The following PLK3 variants were observed in gnomAD, a reference collection of about 807,000 sequenced individuals.
PLK3 encodes the protein polo like kinase 3, also known as serine/threonine-protein kinase PLK3.
A neutral mutation model predicts 71.6 loss-of-function variants in PLK3; 41 were observed. The ratio of observed to expected loss-of-function variants is 0.57; its 90% CI spans 0.45 to 0.74. The LOEUF is 0.74. Ranked by LOEUF, PLK3 falls within the 30% of genes least tolerant of loss-of-function variation. The pLI is 0.00. For missense variants in PLK3, 791 were observed against 875.6 expected (o/e 0.90, Z 1.22); for synonymous variants, 366 against 355.4 (o/e 1.03, Z -0.33).
rs748181667 is a variant in PLK3, at chr1:44,801,144, A to T, written c.427A>T (p.Ser143Cys). Reference sequence around the variant, plus strand: ...CATCTACATTTTCTTGGAGCTCTGCAGCCGAAAGGTGAAAGATGGTGATTC... The same window carrying T: ...CATCTACATTTTCTTGGAGCTCTGCTGCCGAAAGGTGAAAGATGGTGATTC... ...DNIYIFLELCSRKSLAHIWKA... is the reference protein window; with the variant it reads ...DNIYIFLELCCRKSLAHIWKA... The change falls in exon 3 of 15, where the codon AGC (serine) becomes TGC (cysteine). Residue 143 changes from serine to cysteine, a missense_variant. Coordinates refer to ENST00000372201, the MANE Select transcript of PLK3 (RefSeq NM_004073.4). 2 of 1,604,510 alleles carry T rather than the reference A, an allele frequency of 1.2e-6. No individual in the cohort carries two copies. The highest frequency in any genetic ancestry group is 4.5e-5 in the East Asian group (2 of 44,742).
chr1:44,801,979 G>C (rs1260836560), intron 5 of PLK3, 47 bp downstream of exon 5: 2 of 1,369,086 alleles, frequency 1.5e-6, no homozygotes, highest in Non-Finnish European at 2.1e-6. Flanking sequence ...GATGACATGC[G>C]TGATAGACAG....
Position 44,804,363 on chromosome 1 carries a change from C to T in PLK3, c.1367C>T (p.Ala456Val), listed in dbSNP as rs1193539141. The change falls in exon 12 of 15, where the codon GCC becomes GTC. Residue 456 changes from alanine to valine, a missense_variant. Coordinates refer to ENST00000372201, the MANE Select transcript of PLK3 (RefSeq NM_004073.4). ...PPAEQNPAPL[A>V]QPEPLVWVSK... is the part of the protein sequence containing the mutation. Reference sequence around the variant, plus strand: ...GCGGAACAGAACCCGGCCCCCCTGGCCCAGCCAGAGCCTCTGGTGTGGGTC... The same window carrying T: ...GCGGAACAGAACCCGGCCCCCCTGGTCCAGCCAGAGCCTCTGGTGTGGGTC... The T allele has an allele frequency of 6.2e-7, 1 of 1,614,162 alleles. No homozygotes were observed. The highest frequency in any genetic ancestry group is 8.5e-7 in the Non-Finnish European group (1 of 1,179,998).
Position 44,804,780 on chromosome 1 carries a change from G to GT in PLK3, c.1635+2dup. 6.2e-7 allele frequency: 1 copy of GT among 1,613,864 alleles called. No individual in the cohort carries two copies. Among genetic ancestry groups the GT allele is most frequent in the Non-Finnish European group, 8.5e-7 (1 of 1,179,836 alleles). Reference sequence around the variant, plus strand: ...CTACATGGAGCAGCACCTCATGAAGGTGTGAGGGCTGGGGCTGTGGTACAT... The same window carrying GT: ...CTACATGGAGCAGCACCTCATGAAGGTTGTGAGGGCTGGGGCTGTGGTACAT... On this transcript the variant is annotated splice_donor_variant, in intron 13 of 14. Transcript: ENST00000372201. LOFTEE classifies it high-confidence loss of function.
rs749214417 is a variant in PLK3 at position 44,801,150 on chromosome 1, A to G, written c.433A>G (p.Lys145Glu). Residue 145 changes from lysine to glutamate, a missense_variant and splice_region_variant, in exon 3 of 15, where the codon AAG (lysine) becomes GAG (glutamate). Transcript: ENST00000372201. Reference sequence around the variant, plus strand: ...CATTTTCTTGGAGCTCTGCAGCCGAAAGGTGAAAGATGGTGATTCCCGCAG... The same window carrying G: ...CATTTTCTTGGAGCTCTGCAGCCGAGAGGTGAAAGATGGTGATTCCCGCAG... ...IYIFLELCSR[K>E]SLAHIWKARH... 1.1e-5 allele frequency: 17 copies of G among 1,590,004 alleles called. No individual in the cohort carries two copies. Among genetic ancestry groups the G allele is most frequent in the Non-Finnish European group, 1.5e-5 (17 of 1,158,788 alleles).
At position 44,805,493 on chromosome 1, in the gene PLK3, T is replaced by C; in HGVS notation, c.1756T>C (p.Phe586Leu). The C allele has an allele frequency of 2.5e-6, 4 of 1,614,110 alleles. No homozygotes were observed. Among genetic ancestry groups the C allele is most frequent in the Non-Finnish European group, 3.4e-6 (4 of 1,179,972 alleles). ...TGTCATGCTCTGTGTGCAGGTGAACTTCTACGGGGACCACACCAAGCTGAT... is the reference window on the plus strand; with the variant it reads ...TGTCATGCTCTGTGTGCAGGTGAACCTCTACGGGGACCACACCAAGCTGAT... ...LFSDGTVQVN[F>L]YGDHTKLILS... The change falls in exon 15 of 15, where the codon TTC becomes CTC. Residue 586 changes from phenylalanine (F) to leucine (L), a missense_variant. Coordinates refer to ENST00000372201, the MANE Select transcript of PLK3 (RefSeq NM_004073.4).
intron 10 of PLK3, 60 bp downstream of exon 10, chr1:44,804,084 G>A: frequency 1.2e-5 from 18 of 1,544,574 alleles, no homozygotes; most frequent in Non-Finnish European, 1.6e-5. Flanking sequence ...TCAGGGGCGA[G>A]AGGGAAGGAG....
rs770500446 is a variant in PLK3, at chr1:44,804,504, A to G, written c.1505+3A>G. The G allele has an allele frequency of 1.2e-6, 2 of 1,614,058 alleles. No individual in the cohort carries two copies. The highest frequency in any genetic ancestry group is 1.1e-5 in the South Asian group (1 of 91,082). ...ATGGCCCTGTCGGCCAACAGAAAGT[A>G]AGTGCTGTTATGGGGTGCCTTGTAT... On this transcript the variant is annotated splice_donor_region_variant and intron_variant, in intron 12 of 14. Transcript: ENST00000372201.
intron 5 of PLK3, among the ~76,000 whole-genome samples, chr1:44,802,551 CCT>C (rs1385846779): frequency 6.6e-6 from 1 of 152,086 alleles, no homozygotes; most frequent in Non-Finnish European, 1.5e-5. Context: ...AGGCCCTCCC[CCT>C]GTCATGAAGA....
rs1026433719 is a variant in PLK3 at position 44,804,256 on chromosome 1, G to A, written c.1342+10G>A. ...GCCTTCATGCCCCCAGGTAAGGGTG[G>A]GGTCTGGTACATGCTGCTGTGGTGG... On this transcript the variant is annotated intron_variant, in intron 11 of 14. Coordinates refer to ENST00000372201, the MANE Select transcript of PLK3 (RefSeq NM_004073.4). The A allele has an allele frequency of 1.2e-6, 2 of 1,613,384 alleles. No homozygotes were observed. The highest frequency in any genetic ancestry group is 2.7e-5 in the African/African-American group (2 of 74,906).
At position 44,800,687 on chromosome 1, in the gene PLK3, C is replaced by A. The variant is rs1280464729; in HGVS notation, c.210+14C>A. On this transcript the variant is annotated intron_variant, in intron 1 of 14. Transcript: ENST00000372201. The surrounding 1 kb of genome is among the most constrained non-coding windows in gnomAD (Gnocchi z 6.5). ...TTGTTGGGCAAGGTGGGCCGAGGGA[C>A]GTCCGCGGGGTGGTGATGGTGGAGG... The A allele has an allele frequency of 6.4e-7, 1 of 1,551,508 alleles. No individual in the cohort carries two copies. The highest frequency in any genetic ancestry group is 1.9e-5 in the Admixed American group (1 of 52,412).
chr1:44,803,250 C>G lies in PLK3; in HGVS notation c.949-18C>G. ...CCCTGGAGCCTCTCTTCTCTGTTCA[C>G]ATGGTTCCCCTCCCTAGGGCTACAC... On this transcript the variant is annotated intron_variant, in intron 7 of 14. Coordinates refer to ENST00000372201, the MANE Select transcript of PLK3 (RefSeq NM_004073.4). This position sits in a 1 kb window ranked among gnomAD's most constrained non-coding sequence, Gnocchi z 4.3. 6.2e-7 allele frequency: 1 copy of G among 1,613,712 alleles called. No homozygotes were observed.
Position 44,804,249 on chromosome 1 carries a change from A to G in PLK3, c.1342+3A>G, listed in dbSNP as rs768551753. 4 of 1,613,334 alleles carry G rather than the reference A, an allele frequency of 2.5e-6. No individual in the cohort carries two copies. Among genetic ancestry groups the G allele is most frequent in the Non-Finnish European group, 3.4e-6 (4 of 1,179,274 alleles). On this transcript the variant is annotated splice_donor_region_variant and intron_variant, in intron 11 of 14. Transcript: ENST00000372201. ...TTGTATAGCCTTCATGCCCCCAGGT[A>G]AGGGTGGGGTCTGGTACATGCTGCT...
In PLK3 at chr1:44,803,444, C is replaced by A; in HGVS notation, c.1072+53C>A. ...GGGGCAGAGCAGTAGAGCGGCTTGT[C>A]ACATTTGTCTTGGGTGTGTGAGTGT... On this transcript the variant is annotated intron_variant, in intron 8 of 14. Coordinates refer to ENST00000372201, the MANE Select transcript of PLK3 (RefSeq NM_004073.4). This position sits in a 1 kb window ranked among gnomAD's most constrained non-coding sequence, Gnocchi z 4.3. The A allele has an allele frequency of 6.2e-7, 1 of 1,610,052 alleles. No homozygotes were observed.
Position 44,800,611 on chromosome 1 carries a change from G to A in PLK3, c.148G>A (p.Gly50Arg). Reference protein sequence around the residue: ...MLAGLPTSDPGRLITDPRSGR... With the variant: ...MLAGLPTSDPRRLITDPRSGR... ...GGCCGGGCTACCGACGTCAGACCCCGGGCGCCTCATCACGGACCCGCGCAG... is the reference window on the plus strand; with the variant it reads ...GGCCGGGCTACCGACGTCAGACCCCAGGCGCCTCATCACGGACCCGCGCAG... The change falls in exon 1 of 15, where the codon GGG (glycine) becomes AGG (arginine). Residue 50 changes from glycine to arginine, a missense_variant. Transcript: ENST00000372201. The surrounding 1 kb of genome is among the most constrained non-coding windows in gnomAD (Gnocchi z 6.5). The A allele has an allele frequency of 3.9e-6, 6 of 1,540,060 alleles. No homozygotes were observed. The highest frequency in any genetic ancestry group is 3.5e-6 in the Non-Finnish European group (4 of 1,146,348).
In PLK3 at chr1:44,805,675, C is replaced by G. The variant is rs1338144801; in HGVS notation, c.1938C>G (p.Ala646=). The change falls in exon 15 of 15, where the codon GCC becomes GCG. Residue 646 remains alanine, a synonymous_variant. Coordinates refer to ENST00000372201, the MANE Select transcript of PLK3 (RefSeq NM_004073.4). ...ALRLLRDRSP[A] is the part of the protein sequence containing the mutation. ...GCCTGCTCCGGGACCGCAGCCCAGC[C>G]TAGGACCCAAGCCCTGAGGCCTGAG... 1.9e-6 allele frequency: 3 copies of G among 1,611,312 alleles called. No homozygotes were observed. Among genetic ancestry groups the G allele is most frequent in the Admixed American group, 1.7e-5 (1 of 60,012 alleles).
In PLK3 at chr1:44,802,854, A is replaced by G. The variant is rs763771633; in HGVS notation, c.748A>G (p.Met250Val). Residue 250 changes from methionine (M) to valine (V), a missense_variant and splice_region_variant, in exon 6 of 15, where the codon ATG becomes GTG. By Grantham distance (21) the Met-to-Val change is conservative. Coordinates refer to ENST00000372201, the MANE Select transcript of PLK3 (RefSeq NM_004073.4). ...EADVWSLGCV[M>V]YTLLCGSPPF... ...GGATGTATGGTCACTGGGCTGTGTC[A>G]TGTGAGTTGCAGGGTCCAGGTTCAG... 44 of 1,612,698 alleles carry G rather than the reference A, an allele frequency of 2.7e-5. No homozygotes were observed. The highest frequency in any genetic ancestry group is 3.7e-5 in the Non-Finnish European group (44 of 1,178,716).
In PLK3 at chr1:44,801,110, C is replaced by T; in HGVS notation, c.393C>T (p.Asp131=). ...HIVRFSHHFE[D]ADNIYIFLEL... is the part of the protein sequence containing the mutation. ...TGCGTTTTTCGCACCACTTTGAGGACGCTGACAACATCTACATTTTCTTGG... is the reference window on the plus strand; with the variant it reads ...TGCGTTTTTCGCACCACTTTGAGGATGCTGACAACATCTACATTTTCTTGG... The change falls in exon 3 of 15, where the codon GAC becomes GAT. Residue 131 remains aspartate (D), a synonymous_variant. Coordinates refer to ENST00000372201, the MANE Select transcript of PLK3 (RefSeq NM_004073.4). 3 of 1,612,818 alleles carry T rather than the reference C, an allele frequency of 1.9e-6. No individual in the cohort carries two copies. The highest frequency in any genetic ancestry group is 1.7e-6 in the Non-Finnish European group (2 of 1,179,678).
chr1:44,805,625 C>T lies in PLK3; in HGVS notation c.1888C>T (p.Arg630Trp), dbSNP rs1264052016. ...GCAGCTGGGCTGCTCTCCAGACCTG[C>T]GGCAGCGACTCCGCTATGCTCTGCG... ...LRQLGCSPDL[R>W]QRLRYALRLL... The change falls in exon 15 of 15, where the codon CGG becomes TGG. Residue 630 changes from arginine (R) to tryptophan (W), a missense_variant. Coordinates refer to ENST00000372201, the MANE Select transcript of PLK3 (RefSeq NM_004073.4). 6 of 1,614,072 alleles carry T rather than the reference C, an allele frequency of 3.7e-6. No individual in the cohort carries two copies. Among genetic ancestry groups the T allele is most frequent in the South Asian group, 2.2e-5 (2 of 91,088 alleles).
Position 44,803,129 on chromosome 1 carries a change from C to T in PLK3, c.924C>T (p.Ile308=), listed in dbSNP as rs958252147. The change falls in exon 7 of 15, where the codon ATC becomes ATT. Residue 308 remains isoleucine (I), a synonymous_variant. Transcript: ENST00000372201. This position sits in a 1 kb window ranked among gnomAD's most constrained non-coding sequence, Gnocchi z 4.3. ...GAGACCGCCCCTCTATTGACCAGAT[C>T]CTGCGCCATGACTTCTTTACCAAGG... ...SPRDRPSIDQ[I]LRHDFFTKGY... is the part of the protein sequence containing the mutation. 3 of 1,613,898 alleles carry T rather than the reference C, an allele frequency of 1.9e-6. No individual in the cohort carries two copies. Among genetic ancestry groups the T allele is most frequent in the Non-Finnish European group, 2.5e-6 (3 of 1,179,992 alleles).
Sources: gnomAD v4.1 joint callset for allele counts (sites outside exome capture counted in the v4.1 genomes callset) on GRCh38, gnomAD v4.1.1 for gene constraint, Gnocchi (gnomAD v3.1) non-coding constraint, MANE v1.5 for transcripts, NCBI Gene and HGNC (gene_info 2026-07-23, HGNC 2026-07-21) for gene names.